Variants in PLA2G4B observed in about 807,000 individuals in gnomAD.
PLA2G4B encodes the protein cytosolic phospholipase A2 beta.
PLA2G4B carries 122 observed loss-of-function variants against 95.8 expected under a neutral mutation model. That is an observed-to-expected ratio of 1.27 (90% CI 1.10 to 1.48). PLA2G4B has a LOEUF of 1.48. PLA2G4B is among the 40% of genes most tolerant of loss of function. The pLI is 0.00. For missense variants in PLA2G4B, 1,158 were observed against 996.2 expected (o/e 1.16, Z -2.19); for synonymous variants, 518 against 421.5 (o/e 1.23, Z -2.80).
intron 8 of PLA2G4B, 36 bp downstream of exon 8, chr15:41,841,985 G>T (rs1410920110): frequency 1.9e-6 from 3 of 1,595,598 alleles, no homozygotes; most frequent in East Asian, 4.5e-5. Context: ...GGGGCCCCCA[G>T]AACTTCCTCC....
At position 41,841,242 on chromosome 15, in the gene PLA2G4B, G is replaced by T. The variant is rs933232119; in HGVS notation, c.404G>T (p.Gly135Val). 4 of 1,613,702 alleles carry T rather than the reference G, an allele frequency of 2.5e-6. No homozygotes were observed. In the Admixed American group the frequency reaches 6.7e-5, roughly 27 times the overall value. ...GGGGCTCTTTCCAGGGCTGACCGTG[G>T]CGAGTGGCTCGTCAGCAATGGCGTT... ...EFRLQSLADR[G>V]EWLVSNGVLV... Residue 135 changes from glycine to valine, a missense_variant, in exon 6 of 20, where the codon GGC becomes GTC. By Grantham distance (109) the Gly-to-Val change is moderately radical (BLOSUM62 -3). Coordinates refer to ENST00000458483, the MANE Select transcript of PLA2G4B (RefSeq NM_001114633.2).
rs148793305 is a variant in PLA2G4B at position 41,840,876 on chromosome 15, C to T, written c.322C>T (p.Arg108Trp). The T allele has an allele frequency of 2.5e-5, 40 of 1,613,616 alleles. No individual in the cohort carries two copies. The highest frequency in any genetic ancestry group is 2.0e-4 in the African/African-American group (15 of 74,930). Residue 108 changes from arginine (R) to tryptophan (W), a missense_variant, in exon 4 of 20, where the codon CGG becomes TGG. Physicochemically the swap from Arg to Trp is moderately radical, Grantham distance 101 (BLOSUM62 -3). Transcript: ENST00000458483. Reference protein sequence around the residue: ...DAGTLRAGEFRRESFSLSPQG... With the variant: ...DAGTLRAGEFWRESFSLSPQG... The stretch of plus-strand genomic sequence containing the variant: ...GGGGACTCTGCGGGCTGGGGAGTTC[C>T]GGCGCGAGAGCTTCTCACTGAGCCC...
chr15:41,842,375 C>T (rs1274499740), intron 9 of PLA2G4B, 99 bp downstream of exon 9: 2 of 1,565,700 alleles, frequency 1.3e-6, no homozygotes, highest in Non-Finnish European at 1.7e-6. Flanking sequence ...TGGGTCACAC[C>T]CTGAGCAGGT....
At chr15:41,839,941 C>T (rs1488438706) in intron 1 of PLA2G4B, 1 of 583,746 alleles carries the variant, frequency 1.7e-6, no homozygotes. Flanking sequence ...ATGCAAAGCC[C>T]TTGGCCCAGA....
rs777650660 is a variant in PLA2G4B, at chr15:41,845,630, C to G, written c.1358-8C>G. ...GCACCATGAGGCTGAGGCGTGGACTCCTCACAGAGTGGTGCGAGTTCTCTC... is the reference window on the plus strand; with the variant it reads ...GCACCATGAGGCTGAGGCGTGGACTGCTCACAGAGTGGTGCGAGTTCTCTC... On this transcript the variant is annotated splice_region_variant and splice_polypyrimidine_tract_variant and intron_variant, in intron 14 of 19. Coordinates refer to ENST00000458483, the MANE Select transcript of PLA2G4B (RefSeq NM_001114633.2). 4 of 1,613,962 alleles carry G rather than the reference C, an allele frequency of 2.5e-6. No individual in the cohort carries two copies. The African/African-American group carries it at 5.3e-5, about 22-fold the overall frequency.
chr15:41,841,211 G>A lies in PLA2G4B; in HGVS notation c.393-20G>A, dbSNP rs201676425. On this transcript the variant is annotated intron_variant, in intron 5 of 19. Coordinates refer to ENST00000458483, the MANE Select transcript of PLA2G4B (RefSeq NM_001114633.2). Reference sequence around the variant, plus strand: ...GGGAACCTGGACTCCTGCTAAGGGGGCTCTGGGGGCTCTTTCCAGGGCTGA... The same window carrying A: ...GGGAACCTGGACTCCTGCTAAGGGGACTCTGGGGGCTCTTTCCAGGGCTGA... 3.7e-6 allele frequency: 6 copies of A among 1,613,974 alleles called. No homozygotes were observed. The Admixed American group carries it at 1.0e-4, about 27-fold the overall frequency.
chr15:41,841,385 G>C (rs778847609), intron 6 of PLA2G4B, 112 bp downstream of exon 6: 1 of 1,608,830 alleles, frequency 6.2e-7, no homozygotes, highest in Non-Finnish European at 8.5e-7. Flanking sequence ...TGGGATTTCA[G>C]TTTGTTAAGG....
chr15:41,841,767 C>T, intron 7 of PLA2G4B, 52 bp from the exon 8 acceptor site: 1 of 1,600,518 alleles, frequency 6.2e-7, no homozygotes, highest in Non-Finnish European at 8.5e-7. Context: ...AAGATGGGTT[C>T]TGTGGGCAGA....
chr15:41,841,303 C>T, intron 6 of PLA2G4B, 30 bp downstream of exon 6: 1 of 1,611,880 alleles, frequency 6.2e-7, no homozygotes, highest in Non-Finnish European at 8.5e-7. Context: ...GGGAGGCGGT[C>T]TGGGGTCCCC....
At chr15:41,844,411 C>G (rs1346839277) in intron 11 of PLA2G4B, 60 bp from the exon 12 acceptor site, 2 of 1,610,962 alleles carry the variant, frequency 1.2e-6, no homozygotes, top group African/African-American at 2.7e-5. Flanking sequence ...CCTCTTCTTC[C>G]TGTGACTTGG....
In PLA2G4B at chr15:41,840,861, C is replaced by T. The variant is rs373201463; in HGVS notation, c.307C>T (p.Arg103Trp). 84 of 1,613,722 alleles carry T rather than the reference C, an allele frequency of 5.2e-5. No individual in the cohort carries two copies. Among genetic ancestry groups the T allele is most frequent in the Non-Finnish European group, 6.2e-5 (73 of 1,179,806 alleles). The part of the protein sequence containing the change: ...LSVLFDAGTL[R>W]AGEFRRESFS... Reference sequence around the variant, plus strand: ...AGTACTGTTTGATGCGGGGACTCTGCGGGCTGGGGAGTTCCGGCGCGAGAG... The same window carrying T: ...AGTACTGTTTGATGCGGGGACTCTGTGGGCTGGGGAGTTCCGGCGCGAGAG... The change falls in exon 4 of 20, where the codon CGG (arginine) becomes TGG (tryptophan). Residue 103 changes from arginine to tryptophan, a missense_variant. By Grantham distance (101) the Arg-to-Trp change is moderately radical. Coordinates refer to ENST00000458483, the MANE Select transcript of PLA2G4B (RefSeq NM_001114633.2).
At position 41,846,013 on chromosome 15, in the gene PLA2G4B, C is replaced by T. The variant is rs750340422; in HGVS notation, c.1566C>T (p.Phe522=). ...SLYWASEPSQ[F]WDRWVRNQAN... is the part of the protein sequence containing the mutation. ...ACTGGGCCTCAGAGCCCAGCCAGTT[C>T]TGGGACCGCTGGGTCAGGAACCAGG... The change falls in exon 16 of 20, where the codon TTC becomes TTT. Residue 522 remains phenylalanine, a synonymous_variant. Coordinates refer to ENST00000458483, the MANE Select transcript of PLA2G4B (RefSeq NM_001114633.2). The T allele has an allele frequency of 1.3e-6, 2 of 1,535,396 alleles. No homozygotes were observed. Among genetic ancestry groups the T allele is most frequent in the Admixed American group, 2.1e-5 (1 of 47,502 alleles).
At chr15:41,846,135 T>G (rs1567172609) in intron 16 of PLA2G4B, 68 bp from the exon 17 acceptor site, 1 of 1,588,782 alleles carries the variant, frequency 6.3e-7, no homozygotes, top group South Asian at 1.1e-5. Context: ...CTCTTCCCCC[T>G]CCAGGGTCAC....
Position 41,846,250 on chromosome 15 carries a change from G to A in PLA2G4B, c.1648G>A (p.Ala550Thr). The A allele has an allele frequency of 1.2e-6, 2 of 1,614,068 alleles. No homozygotes were observed. Among genetic ancestry groups the A allele is most frequent in the Non-Finnish European group, 1.7e-6 (2 of 1,179,988 alleles). Residue 550 changes from alanine to threonine, a missense_variant, in exon 17 of 20, where the codon GCC (alanine) becomes ACC (threonine). Ala to Thr is a moderately conservative substitution (Grantham distance 58, BLOSUM62 0). Transcript: ENST00000458483. ...LLKIEEPPST[A>T]GRIAEFFTDL... ...GAAGATAGAAGAACCACCCTCAACA[G>A]CCGGCAGGATAGCTGAGTTTTTCAC...
Position 41,844,417 on chromosome 15 carries a change from C to T in PLA2G4B, c.880-54C>T, listed in dbSNP as rs555819426. The T allele has an allele frequency of 1.4e-4, 231 of 1,611,960 alleles. 1 individual carries two copies. The African/African-American group carries it at 2.8e-3, about 19-fold the overall frequency. ...GACCTGCTACCTCTTCTTCCTGTGA[C>T]TTGGCCTTCCCCATCCCTAGGGCCT... is the stretch of plus-strand genomic sequence containing the variant. On this transcript the variant is annotated intron_variant, in intron 11 of 19. Coordinates refer to ENST00000458483, the MANE Select transcript of PLA2G4B (RefSeq NM_001114633.2).
rs757265787 is a variant in PLA2G4B at position 41,846,823 on chromosome 15, C to T, written c.1935C>T (p.His645=). The change falls in exon 18 of 20, where the codon CAC becomes CAT. Residue 645 remains histidine (H), a synonymous_variant. Coordinates refer to ENST00000458483, the MANE Select transcript of PLA2G4B (RefSeq NM_001114633.2). ...DLILSLDYNL[H]GAFQQLQLLG... ...TCCTGTCATTGGACTACAACCTCCACGGAGCCTTCCAGGTTGGGAAGGGTG... is the reference window on the plus strand; with the variant it reads ...TCCTGTCATTGGACTACAACCTCCATGGAGCCTTCCAGGTTGGGAAGGGTG... The T allele has an allele frequency of 1.7e-5, 27 of 1,610,850 alleles. No homozygotes were observed. The highest frequency in any genetic ancestry group is 1.6e-4 in the Middle Eastern group (1 of 6,074).
Position 41,846,827 on chromosome 15 carries a change from G to C in PLA2G4B, c.1939G>C (p.Ala647Pro). 6.2e-7 allele frequency: 1 copy of C among 1,610,874 alleles called. No individual in the cohort carries two copies. The highest frequency in any genetic ancestry group is 1.1e-5 in the South Asian group (1 of 90,824). Residue 647 changes from alanine to proline, a missense_variant, in exon 18 of 20, where the codon GCC (alanine) becomes CCC (proline). Physicochemically the swap from Ala to Pro is conservative, Grantham distance 27. Transcript: ENST00000458483. ...ILSLDYNLHG[A>P]FQQLQLLGRF... ...GTCATTGGACTACAACCTCCACGGA[G>C]CCTTCCAGGTTGGGAAGGGTGGGCA...
In PLA2G4B at chr15:41,847,328, G is replaced by A. The variant is rs778182806; in HGVS notation, c.1948-9G>A. 3.1e-6 allele frequency: 5 copies of A among 1,591,144 alleles called. No individual in the cohort carries two copies. The highest frequency in any genetic ancestry group is 2.6e-6 in the Non-Finnish European group (3 of 1,166,070). On this transcript the variant is annotated splice_polypyrimidine_tract_variant and intron_variant, in intron 18 of 19. Transcript: ENST00000458483. ...TGTCCCTCTGAAGCCCCTTCTGCCT[G>A]CCCTGCAGCAGTTGCAGCTCCTGGG...
In PLA2G4B at chr15:41,847,821, C is replaced by G. The variant is rs375408863; in HGVS notation, c.2307C>G (p.Arg769=). Reference sequence around the variant, plus strand: ...AGGAGCAGCTGCTGGAGGCTCTGCGCCAGGCAGTGCAGCGGAGGCGGCAGC... The same window carrying G: ...AGGAGCAGCTGCTGGAGGCTCTGCGGCAGGCAGTGCAGCGGAGGCGGCAGC... ...NNQEQLLEAL[R]QAVQRRRQRR... The change falls in exon 20 of 20, where the codon CGC becomes CGG. Residue 769 remains arginine (R), a synonymous_variant. Transcript: ENST00000458483. 2 of 1,608,204 alleles carry G rather than the reference C, an allele frequency of 1.2e-6. No homozygotes were observed. The highest frequency in any genetic ancestry group is 2.2e-5 in the South Asian group (2 of 91,076).
Sources: allele counts gnomAD v4.1 joint callset, GRCh38; gene constraint gnomAD v4.1.1; transcripts MANE v1.5; gene names NCBI Gene and HGNC (gene_info 2026-07-23, HGNC 2026-07-21).